The following TENM2 variants were observed in gnomAD, a reference collection of about 807,000 sequenced individuals.
TENM2 encodes teneurin-2.
Under a neutral mutation model 245.2 loss-of-function variants are expected in TENM2, and 52 were observed. The ratio of observed to expected loss-of-function variants is 0.21; its 90% CI spans 0.17 to 0.27. The LOEUF (loss-of-function observed/expected upper bound fraction) is 0.27. Ranked by LOEUF, TENM2 falls within the 10% of genes least tolerant of loss-of-function variation. TENM2 has a pLI of 1.00. For synonymous variants in TENM2, 1,363 were observed against 1,438.9 expected (o/e 0.95, Z 1.19); for missense variants, 3,046 against 3,666.8 (o/e 0.83, Z 4.37).
At chr5:167,984,339 G>A (rs180694713) in intron 4 of TENM2, among the ~76,000 whole-genome samples, 2 of 152,310 alleles carry the variant, frequency 1.3e-5, no homozygotes, top group Admixed American at 6.5e-5. Flanking sequence ...TAAAGTACAG[G>A]AGATGTTTAC....
chr5:167,566,739 G>C (rs1192338589), intron 2 of TENM2, among the ~76,000 whole-genome samples: 1 of 152,170 alleles, frequency 6.6e-6, no homozygotes, highest in Non-Finnish European at 1.5e-5. Flanking sequence ...CAACTCAATG[G>C]AGAGGAACGT....
intron 9 of TENM2, among the ~76,000 whole-genome samples, chr5:168,100,995 C>T (rs565980654): frequency 1.8e-3 from 281 of 151,912 alleles, no homozygotes; most frequent in African/African-American, 6.5e-3. Context: ...AGAAGCCACC[C>T]GACAGCTCTC....
chr5:167,385,172 A>G (rs1228314098), intron 2 of TENM2, among the ~76,000 whole-genome samples: 1 of 152,170 alleles, frequency 6.6e-6, no homozygotes, highest in African/African-American at 2.4e-5. Flanking sequence ...TTGTAGGTGA[A>G]CGTTGGCTAG....
the TENM2 span, among the ~76,000 whole-genome samples, chr5:167,278,392 T>C: frequency 6.6e-6 from 1 of 152,220 alleles, no homozygotes; most frequent in Non-Finnish European, 1.5e-5. Context: ...TGTCTTTTAA[T>C]CAATATATTA....
chr5:167,050,275 T>G, the TENM2 span, among the ~76,000 whole-genome samples: 6 of 152,124 alleles, frequency 3.9e-5, no homozygotes, highest in African/African-American at 1.4e-4. Flanking sequence ...AGGCATTACA[T>G]TCTCATAAGA....
chr5:168,096,264 G>A (rs558066825), intron 8 of TENM2, among the ~76,000 whole-genome samples: 4 of 152,298 alleles, frequency 2.6e-5, no homozygotes, highest in African/African-American at 9.6e-5. Flanking sequence ...CCAGCACCGT[G>A]TGAAATTGCT....
chr5:167,896,513 C>T (rs1471586457), intron 3 of TENM2, among the ~76,000 whole-genome samples: 1 of 152,216 alleles, frequency 6.6e-6, no homozygotes. Context: ...TCATAAATAA[C>T]TTTGCAACCC....
the TENM2 span, among the ~76,000 whole-genome samples, chr5:167,055,928 A>G: frequency 6.6e-6 from 1 of 152,102 alleles, no homozygotes; most frequent in South Asian, 2.1e-4. Flanking sequence ...TGCATTAGCT[A>G]GGTTTTCCAG....
At chr5:167,550,140 CT>C (rs34451856) in intron 2 of TENM2, among the ~76,000 whole-genome samples, 2 of 152,162 alleles carry the variant, frequency 1.3e-5, no homozygotes, top group Non-Finnish European at 2.9e-5. Flanking sequence ...TCTTCACTTT[CT>C]TTTTTTTCCA....
the TENM2 span, among the ~76,000 whole-genome samples, chr5:167,271,397 C>T: frequency 6.6e-6 from 1 of 151,980 alleles, no homozygotes; most frequent in African/African-American, 2.4e-5. Flanking sequence ...GAAATTTTTG[C>T]AGGAGGTGTA....
At chr5:167,489,478 C>T (rs1768290556) in intron 2 of TENM2, among the ~76,000 whole-genome samples, 2 of 152,162 alleles carry the variant, frequency 1.3e-5, no homozygotes, top group Non-Finnish European at 1.5e-5. Flanking sequence ...TCAAGAATCA[C>T]TTTGTCAGGG....
chr5:167,872,550 G>T (rs559973354), intron 2 of TENM2, among the ~76,000 whole-genome samples: 12 of 42,156 alleles, frequency 2.8e-4, no homozygotes, highest in East Asian at 6.2e-4. Flanking sequence ...GAAAGAAAGA[G>T]AAAGAAAGAA....
At chr5:167,178,927 A>G in the TENM2 span, among the ~76,000 whole-genome samples, 3 of 152,184 alleles carry the variant, frequency 2.0e-5, no homozygotes, top group African/African-American at 4.8e-5. Flanking sequence ...TTGTTAGCAT[A>G]TATTTTTAGA....
chr5:168,261,687 AC>A (rs1438715364), intron 28 of TENM2, among the ~76,000 whole-genome samples: 1 of 152,236 alleles, frequency 6.6e-6, no homozygotes, highest in Non-Finnish European at 1.5e-5. Flanking sequence ...GCAGTTGCCA[AC>A]CATCAGAGTA....
At chr5:167,332,332 T>G (rs1244856294) in intron 1 of TENM2, among the ~76,000 whole-genome samples, 1 of 152,230 alleles carries the variant, frequency 6.6e-6, no homozygotes, top group East Asian at 1.9e-4. Flanking sequence ...TATGTTTTTG[T>G]TCTATATTTG....
chr5:167,022,074 A>T, the TENM2 span, among the ~76,000 whole-genome samples: 3 of 152,210 alleles, frequency 2.0e-5, no homozygotes, highest in African/African-American at 4.8e-5. Context: ...TTCAACACCC[A>T]TATTCAAGGG....
the TENM2 span, among the ~76,000 whole-genome samples, chr5:167,038,076 T>C: frequency 6.6e-6 from 1 of 152,212 alleles, no homozygotes; most frequent in South Asian, 2.1e-4. Flanking sequence ...AGACTGGAGA[T>C]GTCTGTGGGA....
the TENM2 span, among the ~76,000 whole-genome samples, chr5:167,101,363 C>G: frequency 6.6e-6 from 1 of 152,282 alleles, no homozygotes; most frequent in South Asian, 2.1e-4. Context: ...AGGTAGAGTT[C>G]TACCACTATT....
At chr5:167,917,972 GTTA>G (rs1472788177) in intron 3 of TENM2, among the ~76,000 whole-genome samples, 1 of 151,824 alleles carries the variant, frequency 6.6e-6, no homozygotes, top group Admixed American at 6.6e-5. Context: ...ATTATTATAG[GTTA>G]TTATTATTAC....
Sources: allele counts gnomAD v4.1 joint callset (sites outside exome capture counted in the v4.1 genomes callset), GRCh38; gene constraint gnomAD v4.1.1; transcripts MANE v1.5; gene names NCBI Gene and HGNC (gene_info 2026-07-23, HGNC 2026-07-21).